The following ANO1 variants were observed in gnomAD, a reference collection of about 807,000 sequenced individuals.
ANO1 encodes anoctamin 1, also known as anoctamin-1.
ANO1 carries 59 observed loss-of-function variants against 124.0 expected under a neutral mutation model. The ratio of observed to expected loss-of-function variants is 0.48; its 90% CI spans 0.39 to 0.59. The LOEUF is 0.59. ANO1 is among the 20% of genes least tolerant of loss of function. The pLI is 0.00. For synonymous variants in ANO1, 529 were observed against 532.0 expected (o/e 0.99, Z 0.08); for missense variants, 1,059 against 1,328.0 (o/e 0.80, Z 3.15).
In ANO1 at chr11:70,023,310, G is replaced by A. The variant is rs116520678; in HGVS notation, c.58+37144G>A. Reference sequence around the variant, plus strand: ...TTTCCGCATTGACTCCATTTAGCAGGAGCATGGCCATGTATAAGTCAGACT... The same window carrying A: ...TTTCCGCATTGACTCCATTTAGCAGAAGCATGGCCATGTATAAGTCAGACT... On this transcript the variant is annotated intron_variant, in intron 1 of 27. Coordinates refer to the ANO1 transcript ENST00000531349. Among the ~76,000 whole-genome samples, 1,486 of 152,300 alleles carry A rather than the reference G, an allele frequency of 9.8e-3. 26 individuals are homozygous for A. Among genetic ancestry groups the A allele is most frequent in the African/African-American group, 0.034 (1,418 of 41,564 alleles).
chr11:70,159,298 C>T (rs932746530), intron 16 of ANO1, among the ~76,000 whole-genome samples: 1 of 152,156 alleles, frequency 6.6e-6, no homozygotes, highest in Admixed American at 6.5e-5. Flanking sequence ...CGCAGAAGAC[C>T]CACCACACCT....
Position 70,182,675 on chromosome 11 carries a change from G to A in ANO1, c.2577G>A (p.Val859=), listed in dbSNP as rs765934102. ...PNDPLDLGYE[V]QICRYKDYRE... The stretch of plus-strand genomic sequence containing the variant: ...ACCCCCTGGACCTGGGCTACGAGGT[G>A]CAGATCTGCAGGTACTGCTCTCTGC... Residue 859 remains valine, a synonymous_variant, in exon 24 of 26, where the codon GTG becomes GTA. Coordinates refer to ENST00000355303, the MANE Select transcript of ANO1 (RefSeq NM_018043.7). The A allele has an allele frequency of 6.3e-7, 1 of 1,591,680 alleles. No homozygotes were observed. The highest frequency in any genetic ancestry group is 1.1e-5 in the South Asian group (1 of 87,312).
intron 22 of ANO1, among the ~76,000 whole-genome samples, chr11:70,171,687 C>T (rs1020969540): frequency 2.0e-5 from 3 of 152,180 alleles, no homozygotes; most frequent in African/African-American, 7.2e-5. Context: ...ATAACTTGGG[C>T]TGAGCACCGT....
intron 6 of ANO1, among the ~76,000 whole-genome samples, chr11:70,110,546 C>T (rs1209164682): frequency 6.6e-6 from 1 of 152,130 alleles, no homozygotes; most frequent in Non-Finnish European, 1.5e-5. Flanking sequence ...TAAGCCCCTT[C>T]CTCTGGTTTT....
In ANO1 at chr11:70,124,281, G is replaced by A. The variant is rs1472463092; in HGVS notation, c.898-69G>A. 5.5e-6 allele frequency: 8 copies of A among 1,446,252 alleles called. No homozygotes were observed. The Admixed American group carries it at 1.2e-4, about 22-fold the overall frequency. The allele number at this position is 1,446,252 out of a possible 1,614,324, so 89.6% of individuals were successfully genotyped here. A position where few individuals can be genotyped will look rare whatever the true frequency, so the allele number is the denominator to read the frequency against. On this transcript the variant is annotated intron_variant, in intron 8 of 25. Transcript: ENST00000355303. ...ATGTCACGGAGGCTCAGTCCCCGCA[G>A]CTCTGCGTTCCGGGGAGCAACCTCG...
At chr11:70,010,119 G>A (rs972790464) in intron 1 of ANO1, among the ~76,000 whole-genome samples, 7 of 147,084 alleles carry the variant, frequency 4.8e-5, no homozygotes, top group African/African-American at 1.8e-4. Flanking sequence ...TTTTTATGGC[G>A]GAGTAGTATT....
chr11:70,182,701 T>C lies in ANO1; in HGVS notation c.2588+15T>C, dbSNP rs2048974831. ...CAGATCTGCAGGTACTGCTCTCTGC[T>C]CCCCTCTTTGAAAAGCCACGTTTAT... On this transcript the variant is annotated intron_variant, in intron 24 of 25. Transcript: ENST00000355303. 6.6e-7 allele frequency: 1 copy of C among 1,506,700 alleles called. No individual in the cohort carries two copies. The highest frequency in any genetic ancestry group is 8.9e-7 in the Non-Finnish European group (1 of 1,126,594). The allele number at this position is 1,506,700 out of a possible 1,614,324, so 93.3% of individuals were successfully genotyped here.
chr11:70,145,178 C>T (rs2047317464), intron 11 of ANO1, among the ~76,000 whole-genome samples: 1 of 152,150 alleles, frequency 6.6e-6, no homozygotes, highest in African/African-American at 2.4e-5. Context: ...GGTGGTTCTT[C>T]ACACTGCTCA....
intron 21 of ANO1, among the ~76,000 whole-genome samples, chr11:70,168,838 C>T (rs537308371): frequency 3.9e-5 from 6 of 152,288 alleles, no homozygotes; most frequent in Admixed American, 1.3e-4. Flanking sequence ...TCCTGTTAGC[C>T]GAATTGTCCA....
At chr11:70,156,178 G>C (rs937779710) in intron 15 of ANO1, among the ~76,000 whole-genome samples, 190 bp downstream of exon 15, 1 of 152,030 alleles carries the variant, frequency 6.6e-6, no homozygotes, top group Non-Finnish European at 1.5e-5. Flanking sequence ...GTGGGTCTGC[G>C]GTGGCGGGGA....
At chr11:70,007,678 C>T (rs1286847643) in intron 1 of ANO1, among the ~76,000 whole-genome samples, 1 of 152,180 alleles carries the variant, frequency 6.6e-6, no homozygotes, top group African/African-American at 2.4e-5. Flanking sequence ...TTGTTTCCAC[C>T]CCTTGCCTGG....
At chr11:70,103,003 A>G in intron 2 of ANO1, 63 bp from the exon 3 acceptor site, 1 of 1,195,576 alleles carries the variant, frequency 8.4e-7, no homozygotes, top group Non-Finnish European at 1.2e-6. Flanking sequence ...TCTGAAGATC[A>G]AGGTGGTTTT....
At chr11:70,171,501 G>GA (rs1170211827) in intron 22 of ANO1, among the ~76,000 whole-genome samples, 1 of 152,176 alleles carries the variant, frequency 6.6e-6, no homozygotes, top group Non-Finnish European at 1.5e-5. Context: ...AGGAAGGAAG[G>GA]AGCCCCCATC....
upstream of ANO1, among the ~76,000 whole-genome samples, chr11:70,074,412 C>A (rs901035813): frequency 9.9e-5 from 15 of 152,268 alleles, no homozygotes; most frequent in African/African-American, 3.4e-4. Context: ...AAAAGAAACC[C>A]AATCTCCTTT....
chr11:70,056,245 A>G (rs1857432983), intron 1 of ANO1: 1 of 152,190 alleles, frequency 6.6e-6, no homozygotes, highest in South Asian at 2.1e-4. Context: ...CCAAAAACAT[A>G]TTTATTTTGT....
At chr11:70,185,408 C>T (rs1199365454) in intron 24 of ANO1, among the ~76,000 whole-genome samples, 182 bp from the exon 25 acceptor site, 1 of 152,186 alleles carries the variant, frequency 6.6e-6, no homozygotes, top group African/African-American at 2.4e-5. Context: ...ACCCCCTCCA[C>T]TGTGGAGAGA....
intron 1 of ANO1, among the ~76,000 whole-genome samples, chr11:70,062,877 C>T (rs951237151): frequency 6.6e-6 from 1 of 152,164 alleles, no homozygotes; most frequent in Non-Finnish European, 1.5e-5. Context: ...CACGAAACTG[C>T]CATAGACCAG....
At chr11:69,998,179 C>G (rs1473372980) in intron 1 of ANO1, among the ~76,000 whole-genome samples, 2 of 152,194 alleles carry the variant, frequency 1.3e-5, no homozygotes, top group African/African-American at 2.4e-5. Flanking sequence ...TTAGACTGAG[C>G]TGTAATTTAC....
chr11:70,171,806 A>G (rs1245339454), intron 22 of ANO1, among the ~76,000 whole-genome samples: 1 of 152,200 alleles, frequency 6.6e-6, no homozygotes, highest in Non-Finnish European at 1.5e-5. Flanking sequence ...GTCTCTACAA[A>G]AAAACACAAA....
Sources: allele counts gnomAD v4.1 joint callset (sites outside exome capture counted in the v4.1 genomes callset), GRCh38; gene constraint gnomAD v4.1.1; transcripts MANE v1.5; gene names NCBI Gene and HGNC (gene_info 2026-07-23, HGNC 2026-07-21).